MAP2K5: variants seen among roughly 807,000 people sequenced by gnomAD.
MAP2K5 encodes mitogen-activated protein kinase kinase 5.
MAP2K5 carries 49 observed loss-of-function variants against 83.1 expected under a neutral mutation model. The observed-to-expected ratio is 0.59, with a 90% CI of 0.47 to 0.75. The LOEUF (loss-of-function observed/expected upper bound fraction) is 0.75. Ranked by LOEUF, MAP2K5 falls within the 30% of genes least tolerant of loss-of-function variation. MAP2K5 has a pLI of 0.00. For synonymous variants in MAP2K5, 202 were observed against 191.8 expected, an observed-to-expected ratio of 1.05 and a Z score of -0.44; for missense variants, 457 against 557.5, an observed-to-expected ratio of 0.82 and a Z score of 1.82.
At chr15:67,681,282 G>A (rs1427952471) in intron 13 of MAP2K5, among the ~76,000 whole-genome samples, 2 of 152,228 alleles carry the variant, frequency 1.3e-5, no homozygotes, top group South Asian at 4.1e-4. Flanking sequence ...TTGTCAGTGA[G>A]AATTCAGGAT....
chr15:67,685,614 GTACA>G (rs1252457035), intron 13 of MAP2K5, among the ~76,000 whole-genome samples: 4 of 152,244 alleles, frequency 2.6e-5, no homozygotes, highest in Non-Finnish European at 2.9e-5. Flanking sequence ...AGCTTATAGT[GTACA>G]TAGAAGAAAG....
chr15:67,762,051 C>T (rs902318610), intron 19 of MAP2K5, among the ~76,000 whole-genome samples: 1 of 152,186 alleles, frequency 6.6e-6, no homozygotes, highest in Non-Finnish European at 1.5e-5. Context: ...CCAGCCTGAG[C>T]AGGAGACTTC....
chr15:67,774,104 A>G lies in MAP2K5; in HGVS notation c.1242+1352A>G, dbSNP rs2090192718. On this transcript the variant is annotated intron_variant, in intron 21 of 21. Transcript: ENST00000178640. The surrounding 1 kb of genome is among the most constrained non-coding windows in gnomAD (Gnocchi z 4.9). ...AAGGAACACCACTCCAGGGTGGCAC[A>G]TCATAAAGACAAGGCTAAAGGGTGA... Among the ~76,000 whole-genome samples the G allele has an allele frequency of 6.6e-6, 1 of 152,130 alleles. No homozygotes were observed. Among genetic ancestry groups the G allele is most frequent in the Non-Finnish European group, 1.5e-5 (1 of 68,032 alleles).
Position 67,668,017 on chromosome 15 carries a change from T to C in MAP2K5, c.847+3372T>C, listed in dbSNP as rs953571131. 6.6e-6 allele frequency among the ~76,000 whole-genome samples: 1 copy of C among 152,308 alleles called. No homozygotes were observed. Among genetic ancestry groups the C allele is most frequent in the Non-Finnish European group, 1.5e-5 (1 of 68,024 alleles). ...AGTTAGTTTATTTGATAGTATATTATGTTAACTGGAAATTGTTTTGGAAAT... is the reference window on the plus strand; with the variant it reads ...AGTTAGTTTATTTGATAGTATATTACGTTAACTGGAAATTGTTTTGGAAAT... On this transcript the variant is annotated intron_variant, in intron 13 of 21. Transcript: ENST00000178640. The surrounding 1 kb of genome is among the most constrained non-coding windows in gnomAD (Gnocchi z 4.0).
intron 17 of MAP2K5, among the ~76,000 whole-genome samples, chr15:67,735,533 C>G (rs2089320980): frequency 6.6e-6 from 1 of 152,186 alleles, no homozygotes. Context: ...GTGGTCTCTG[C>G]TCTCAAAAGA....
intron 15 of MAP2K5, among the ~76,000 whole-genome samples, chr15:67,696,540 A>T (rs1335409313): frequency 3.3e-5 from 5 of 152,228 alleles, no homozygotes; most frequent in African/African-American, 4.8e-5. Flanking sequence ...ACCAGCATTT[A>T]CTGAGCATCT....
At chr15:67,631,505 T>G (rs1219074316) in intron 9 of MAP2K5, among the ~76,000 whole-genome samples, 1 of 152,150 alleles carries the variant, frequency 6.6e-6, no homozygotes, top group African/African-American at 2.4e-5. Flanking sequence ...CTGACTGCCT[T>G]CCTCAATCAT....
chr15:67,767,289 A>G (rs990982002), intron 19 of MAP2K5, among the ~76,000 whole-genome samples: 1 of 152,230 alleles, frequency 6.6e-6, no homozygotes, highest in African/African-American at 2.4e-5. Flanking sequence ...TACTTTTGAT[A>G]TCATACTTTG....
At position 67,774,444 on chromosome 15, in the gene MAP2K5, G is replaced by T. The variant is rs1232542784; in HGVS notation, c.1242+1692G>T. Among the ~76,000 whole-genome samples, 1 of 152,102 alleles carries T rather than the reference G, an allele frequency of 6.6e-6. No homozygotes were observed. Among genetic ancestry groups the T allele is most frequent in the South Asian group, 2.1e-4 (1 of 4,830 alleles). The stretch of plus-strand genomic sequence containing the variant: ...GGCACCACTGCTTTGGCAGGGCTCA[G>T]TGAGGAGGCAGGGAACAATAGACTA... On this transcript the variant is annotated intron_variant, in intron 21 of 21. Transcript: ENST00000178640. This position sits in a 1 kb window ranked among gnomAD's most constrained non-coding sequence, Gnocchi z 4.9.
At chr15:67,621,847 A>G (rs1255734842) in intron 8 of MAP2K5, among the ~76,000 whole-genome samples, 2 of 152,164 alleles carry the variant, frequency 1.3e-5, no homozygotes, top group Admixed American at 6.5e-5. Context: ...AGGGAGACAT[A>G]ATAAATTAAT....
At chr15:67,732,353 T>C (rs1342432717) in intron 17 of MAP2K5, among the ~76,000 whole-genome samples, 9 of 152,204 alleles carry the variant, frequency 5.9e-5, no homozygotes, top group African/African-American at 4.8e-5. Context: ...ATTAGGATGA[T>C]AGCAAATCCA....
intron 8 of MAP2K5, chr15:67,629,085 C>T (rs532455968): frequency 7.5e-5 from 55 of 736,138 alleles, no homozygotes; most frequent in Middle Eastern, 3.8e-4. Flanking sequence ...CCAAGGTGGC[C>T]ATGGCGGTTC....
chr15:67,608,439 A>T (rs1567306381), intron 8 of MAP2K5, among the ~76,000 whole-genome samples: 1 of 152,188 alleles, frequency 6.6e-6, no homozygotes, highest in Non-Finnish European at 1.5e-5. Context: ...CTAGCCTCAT[A>T]AAACTTGTGT....
chr15:67,629,750 A>G (rs1026592291), intron 8 of MAP2K5, among the ~76,000 whole-genome samples: 2 of 152,146 alleles, frequency 1.3e-5, no homozygotes, highest in African/African-American at 2.4e-5. Flanking sequence ...AAAATCCTCT[A>G]TAGGGCAAGA....
intron 6 of MAP2K5, among the ~76,000 whole-genome samples, chr15:67,589,266 T>A (rs1024591525): frequency 2.0e-5 from 3 of 152,220 alleles, no homozygotes; most frequent in Non-Finnish European, 4.4e-5. Context: ...CTTTTTTTTT[T>A]CTTTTTAACC....
rs1313370856 is a variant in MAP2K5 at position 67,747,073 on chromosome 15, G to T, written c.1075-1158G>T. ...TAATACAGATGCTGGAAGGAAAGGA[G>T]CTCTGGAGGAGCCCCAGCACCACCA... On this transcript the variant is annotated intron_variant, in intron 17 of 21. Coordinates refer to ENST00000178640, the MANE Select transcript of MAP2K5 (RefSeq NM_145160.3). The surrounding 1 kb of genome is among the most constrained non-coding windows in gnomAD (Gnocchi z 4.1). Among the ~76,000 whole-genome samples the T allele has an allele frequency of 6.6e-6, 1 of 152,112 alleles. No homozygotes were observed. The highest frequency in any genetic ancestry group is 2.4e-5 in the African/African-American group (1 of 41,422).
rs947448893 is a variant in MAP2K5 at position 67,748,373 on chromosome 15, A to G, written c.1101+116A>G. ...CAAATTGCATTTTGAAGAAAATGCA[A>G]ACCTTTAACTGCCTGTATTAGATTA... On this transcript the variant is annotated intron_variant, in intron 18 of 21. Transcript: ENST00000178640. The surrounding 1 kb of genome is among the most constrained non-coding windows in gnomAD (Gnocchi z 4.0). The G allele has an allele frequency of 1.1e-4, 107 of 959,128 alleles. No homozygotes were observed. The highest frequency in any genetic ancestry group is 1.5e-4 in the Non-Finnish European group (92 of 608,364). 59.4% of individuals were successfully genotyped at this position (959,128 alleles called of 1,614,324 possible). A position where few individuals can be genotyped will look rare whatever the true frequency, so the allele number is the denominator to read the frequency against.
rs533740362 is a variant in MAP2K5, at chr15:67,737,568, ATG to A, written c.1074+9624_1074+9625del. On this transcript the variant is annotated intron_variant, in intron 17 of 21. Coordinates refer to ENST00000178640, the MANE Select transcript of MAP2K5 (RefSeq NM_145160.3). ...CGAGCTAAGTTCATTGAAAAAATCA[ATG>A]AGTTGCCTAAAAGGAGCAAAGAGCT... 4.5e-3 allele frequency among the ~76,000 whole-genome samples: 679 copies of A among 152,240 alleles called. 7 individuals carry two copies. Among genetic ancestry groups the A allele is most frequent in the African/African-American group, 0.015 (641 of 41,552 alleles).
rs368468834 is a variant in MAP2K5 at position 67,689,102 on chromosome 15, C to T, written c.848-3377C>T. Among the ~76,000 whole-genome samples the T allele has an allele frequency of 1.2e-3, 180 of 152,218 alleles. 1 individual carries two copies. The highest frequency in any genetic ancestry group is 4.1e-3 in the African/African-American group (170 of 41,526). ...TTAAGTAACTCTTAGTATAAAATGT[C>T]GTTAAAGCTGAGTGCAGTGGCAAAC... is the stretch of plus-strand genomic sequence containing the variant. On this transcript the variant is annotated intron_variant, in intron 13 of 21. Coordinates refer to ENST00000178640, the MANE Select transcript of MAP2K5 (RefSeq NM_145160.3).
Sources: gnomAD v4.1 joint callset for allele counts (sites outside exome capture counted in the v4.1 genomes callset) on GRCh38, gnomAD v4.1.1 for gene constraint, Gnocchi (gnomAD v3.1) non-coding constraint, MANE v1.5 for transcripts, NCBI Gene and HGNC (gene_info 2026-07-23, HGNC 2026-07-21) for gene names.